METTL25B: variants seen among roughly 807,000 people sequenced by gnomAD.
METTL25B encodes methyltransferase-like protein 25B.
In METTL25B, 38 loss-of-function variants were observed where a neutral mutation model predicts 48.4. The observed-to-expected ratio is 0.78, with a 90% CI of 0.61 to 1.03. METTL25B has a LOEUF of 1.03. METTL25B is among the 50% of genes least tolerant of loss of function. The pLI, the probability that METTL25B is intolerant of heterozygous loss-of-function variation, is 0.00. For missense variants in METTL25B, 537 were observed against 603.7 expected, an observed-to-expected ratio of 0.89 and a Z score of 1.16; for synonymous variants, 230 against 254.5, an observed-to-expected ratio of 0.90 and a Z score of 0.92.
intron 7 of METTL25B, 180 bp downstream of exon 7, chr1:156,736,089 T>C: frequency 2.0e-6 from 1 of 509,244 alleles, no homozygotes; most frequent in Non-Finnish European, 3.4e-6. Context: ...GAATCCAGGC[T>C]GGGTGCGGTG....
chr1:156,730,548 AC>A (rs1342562330), intron 1 of METTL25B, among the ~76,000 whole-genome samples: 1 of 150,862 alleles, frequency 6.6e-6, no homozygotes, highest in Non-Finnish European at 1.5e-5. Flanking sequence ...ACACGGTGAA[AC>A]CCCGTCTCTA....
chr1:156,730,428 C>T (rs1649176809), intron 1 of METTL25B, among the ~76,000 whole-genome samples: 2 of 152,124 alleles, frequency 1.3e-5, no homozygotes, highest in Non-Finnish European at 2.9e-5. Context: ...AAATTGGTTT[C>T]AAATCCCAGC....
intron 1 of METTL25B, among the ~76,000 whole-genome samples, chr1:156,729,934 A>G (rs1305015233): frequency 6.6e-6 from 1 of 152,242 alleles, no homozygotes; most frequent in East Asian, 1.9e-4. Context: ...GCTGTCCTTC[A>G]TTGATCCACA....
At chr1:156,734,911 T>A (rs1392786991) in intron 6 of METTL25B, among the ~76,000 whole-genome samples, 1 of 151,988 alleles carries the variant, frequency 6.6e-6, no homozygotes, top group African/African-American at 2.4e-5. Flanking sequence ...CCCAGAGGAA[T>A]GATTTGGAGT....
rs750199052 is a variant in METTL25B, at chr1:156,736,790, A to C, written c.*37A>C. ...GAAACATCTCAGACCCCATCATCTGAAAGTGCCCAGAGAGCACAGTGGCAG... is the reference window on the plus strand; with the variant it reads ...GAAACATCTCAGACCCCATCATCTGCAAGTGCCCAGAGAGCACAGTGGCAG... On this transcript the variant is annotated 3_prime_UTR_variant, in exon 8 of 8. Coordinates refer to ENST00000368216, the MANE Select transcript of METTL25B (RefSeq NM_015997.4). 6.3e-7 allele frequency: 1 copy of C among 1,596,038 alleles called. No individual in the cohort carries two copies. The highest frequency in any genetic ancestry group is 8.5e-7 in the Non-Finnish European group (1 of 1,175,130).
intron 1 of METTL25B, among the ~76,000 whole-genome samples, chr1:156,730,283 C>G (rs1649163154): frequency 6.6e-6 from 1 of 152,232 alleles, no homozygotes; most frequent in African/African-American, 2.4e-5. Flanking sequence ...TTCTCTCACA[C>G]ATTTCACTGT....
At chr1:156,736,605 C>A in intron 7 of METTL25B, 27 bp from the exon 8 acceptor site, 1 of 1,613,304 alleles carries the variant, frequency 6.2e-7, no homozygotes, top group Non-Finnish European at 8.5e-7. Context: ...TTCATTCTTC[C>A]CCTTATGATT....
chr1:156,728,991 T>C lies in METTL25B; in HGVS notation c.-114T>C. 5.0e-6 allele frequency: 3 copies of C among 597,308 alleles called. No homozygotes were observed. The highest frequency in any genetic ancestry group is 8.3e-6 in the Non-Finnish European group (3 of 359,748). 37.0% of individuals were successfully genotyped at this position (597,308 alleles called of 1,614,324 possible). A position where few individuals can be genotyped will look rare whatever the true frequency, so the allele number is the denominator to read the frequency against. On this transcript the variant is annotated 5_prime_UTR_variant, in exon 1 of 8. Transcript: ENST00000368216. ...GCGTCGGAGACTGGACCCAAAACTCTTCCTGTTCTGCCTGCAGAGTTGAGC... is the reference window on the plus strand; with the variant it reads ...GCGTCGGAGACTGGACCCAAAACTCCTCCTGTTCTGCCTGCAGAGTTGAGC...
At chr1:156,735,214 G>A (rs891816688) in intron 6 of METTL25B, among the ~76,000 whole-genome samples, 1 of 151,658 alleles carries the variant, frequency 6.6e-6, no homozygotes, top group Non-Finnish European at 1.5e-5. Flanking sequence ...GTTTGAACCC[G>A]GGAGGCAGAG....
At chr1:156,736,466 C>CTA (rs1649812137) in intron 7 of METTL25B, 166 bp from the exon 8 acceptor site, 4 of 714,976 alleles carry the variant, frequency 5.6e-6, no homozygotes, top group Non-Finnish European at 7.0e-6. Flanking sequence ...GGACTGCCTC[C>CTA]CAAGTCAGTG....
chr1:156,729,845 AAATGAGAG>A (rs1256614217), intron 1 of METTL25B, among the ~76,000 whole-genome samples: 9 of 152,244 alleles, frequency 5.9e-5, no homozygotes, highest in African/African-American at 2.2e-4. Context: ...TGTGAAGAAT[AAATGAGAG>A]AATGTGTAAA....
At chr1:156,732,606 T>A in intron 3 of METTL25B, 133 bp downstream of exon 3, 5 of 801,172 alleles carry the variant, frequency 6.2e-6, no homozygotes, top group Non-Finnish European at 5.8e-6. Flanking sequence ...TCAACAGACA[T>A]AACTAATCAT....
intron 7 of METTL25B, 170 bp from the exon 8 acceptor site, chr1:156,736,462 C>T (rs1649811635): frequency 1.5e-6 from 1 of 675,742 alleles, no homozygotes; most frequent in Non-Finnish European, 2.5e-6. Flanking sequence ...AAGAGGACTG[C>T]CTCCCAAGTC....
At chr1:156,731,820 G>T (rs1329393242) in intron 1 of METTL25B, among the ~76,000 whole-genome samples, 171 bp from the exon 2 acceptor site, 1 of 152,230 alleles carries the variant, frequency 6.6e-6, no homozygotes. Flanking sequence ...GCTGGAGCAG[G>T]CTTCAGAGAA....
intron 4 of METTL25B, 101 bp downstream of exon 4, chr1:156,733,148 G>A: frequency 1.6e-6 from 2 of 1,268,318 alleles, no homozygotes; most frequent in Non-Finnish European, 2.2e-6. Context: ...CAGGTGTCAA[G>A]AAGCGTGGAA....
chr1:156,736,544 G>A, intron 7 of METTL25B, 88 bp from the exon 8 acceptor site: 2 of 1,519,320 alleles, frequency 1.3e-6, no homozygotes, highest in Non-Finnish European at 1.8e-6. Context: ...CCCCCATGGG[G>A]AAAAGGGACT....
At chr1:156,735,307 T>C (rs980708910) in intron 6 of METTL25B, among the ~76,000 whole-genome samples, 1 of 150,928 alleles carries the variant, frequency 6.6e-6, no homozygotes, top group Non-Finnish European at 1.5e-5. Flanking sequence ...AAAAAAGTTT[T>C]TTAAATGCTA....
Position 156,733,514 on chromosome 1 carries a change from C to T in METTL25B, c.630C>T (p.Asn210=), listed in dbSNP as rs1482781997. The part of the protein sequence containing the change: ...LQALEKEEKR[N]PQVVQTSPRH... ...CTCTGGAGAAAGAGGAGAAGAGGAA[C>T]CCGCAGGTAGGCCAACCCTTCCTGC... Residue 210 remains asparagine, a synonymous_variant, in exon 5 of 8, where the codon AAC becomes AAT. Coordinates refer to ENST00000368216, the MANE Select transcript of METTL25B (RefSeq NM_015997.4). The T allele has an allele frequency of 1.9e-6, 3 of 1,613,738 alleles. No homozygotes were observed. The highest frequency in any genetic ancestry group is 1.7e-5 in the Admixed American group (1 of 60,010).
chr1:156,728,678 C>A lies in METTL25B; in HGVS notation c.-427C>A. On this transcript the variant is annotated 5_prime_UTR_variant, in exon 1 of 8. The change creates a premature stop within an existing upstream ORF in the 5' untranslated region. Transcript: ENST00000368216. ...CGGCCCCTCTAGCCCCGTGGTGGTA[C>A]AACGCGAAGGTGTGGGAAGGCCGCG... 3 of 987,936 alleles carry A rather than the reference C, an allele frequency of 3.0e-6. No individual in the cohort carries two copies. Among genetic ancestry groups the A allele is most frequent in the Non-Finnish European group, 2.4e-6 (2 of 831,136 alleles). 61.2% of individuals were successfully genotyped at this position (987,936 alleles called of 1,614,324 possible). A position where few individuals can be genotyped will look rare whatever the true frequency, so the allele number is the denominator to read the frequency against.
Sources: gnomAD v4.1 joint callset for allele counts (sites outside exome capture counted in the v4.1 genomes callset) on GRCh38, gnomAD v4.1.1 for gene constraint, MANE v1.5 for transcripts, NCBI Gene and HGNC (gene_info 2026-07-23, HGNC 2026-07-21) for gene names.